CNTN4: variants seen among roughly 807,000 people sequenced by gnomAD.
The protein encoded by CNTN4 is contactin-4.
CNTN4 carries 77 observed loss-of-function variants against 122.5 expected under a neutral mutation model. The observed-to-expected ratio is 0.63, with a 90% CI of 0.52 to 0.76. The LOEUF is 0.76. Ranked by LOEUF, CNTN4 falls within the 30% of genes least tolerant of loss-of-function variation. The pLI, the probability that CNTN4 is intolerant of heterozygous loss-of-function variation, is 0.00. For missense variants in CNTN4, 1,256 were observed against 1,259.1 expected, an observed-to-expected ratio of 1.00 and a Z score of 0.04; for synonymous variants, 512 against 447.0, an observed-to-expected ratio of 1.15 and a Z score of -1.83.
At chr3:2,962,015 A>C (rs1043151549) in intron 13 of CNTN4, among the ~76,000 whole-genome samples, 1 of 152,242 alleles carries the variant, frequency 6.6e-6, no homozygotes, top group African/African-American at 2.4e-5. Flanking sequence ...AAACATGTCA[A>C]AGACAATTAC....
At chr3:2,340,736 G>GAGAGAGAA (rs1425877396) in intron 3 of CNTN4, among the ~76,000 whole-genome samples, 1 of 140,272 alleles carries the variant, frequency 7.1e-6, no homozygotes, top group Non-Finnish European at 1.6e-5. Context: ...GAGAGAGAGA[G>GAGAGAGAA]AGAGTCAGAA....
chr3:2,772,684 T>G (rs561988950), intron 6 of CNTN4, among the ~76,000 whole-genome samples: 1 of 152,314 alleles, frequency 6.6e-6, no homozygotes, highest in East Asian at 1.9e-4. Context: ...TAAAGTCACC[T>G]TATCTGTAGG....
chr3:2,332,275 A>C (rs1451948852), intron 2 of CNTN4, among the ~76,000 whole-genome samples: 3 of 152,164 alleles, frequency 2.0e-5, no homozygotes, highest in African/African-American at 7.2e-5. Context: ...AAATCAAATC[A>C]CATCACTGGC....
At chr3:2,624,076 A>T (rs1329017439) in intron 4 of CNTN4, among the ~76,000 whole-genome samples, 2 of 152,202 alleles carry the variant, frequency 1.3e-5, no homozygotes, top group Non-Finnish European at 2.9e-5. Flanking sequence ...GCCATTCACT[A>T]CTTTGAAATT....
intron 3 of CNTN4, among the ~76,000 whole-genome samples, chr3:2,427,321 C>T (rs1275415348): frequency 1.3e-5 from 2 of 152,150 alleles, no homozygotes; most frequent in African/African-American, 2.4e-5. Flanking sequence ...GCCTTCATTT[C>T]GTTATGTACC....
rs564603418 is a variant in CNTN4 at position 2,884,649 on chromosome 3, A to T, written c.755+1402A>T. Among the ~76,000 whole-genome samples, 6 of 152,318 alleles carry T rather than the reference A, an allele frequency of 3.9e-5. No individual in the cohort carries two copies. The East Asian group carries it at 9.6e-4, about 24-fold the overall frequency. On this transcript the variant is annotated intron_variant, in intron 9 of 24. Coordinates refer to ENST00000418658, the MANE Select transcript of CNTN4 (RefSeq NM_175607.3). Reference sequence around the variant, plus strand: ...TTAAAGTATTTGTGTATAAGCATTTATATATATGAAATTAAAGATGAGAGC... The same window carrying T: ...TTAAAGTATTTGTGTATAAGCATTTTTATATATGAAATTAAAGATGAGAGC...
intron 4 of CNTN4, among the ~76,000 whole-genome samples, chr3:2,651,870 A>T (rs2083377920): frequency 6.6e-6 from 1 of 151,710 alleles, no homozygotes; most frequent in African/African-American, 2.4e-5. Flanking sequence ...CTCCTGGCTA[A>T]CTTTTGCATT....
chr3:2,260,693 GT>G (rs1559388531), intron 2 of CNTN4, among the ~76,000 whole-genome samples: 1 of 150,554 alleles, frequency 6.6e-6, no homozygotes, highest in Admixed American at 6.6e-5. Context: ...ACAGATTTAA[GT>G]TTTCTTTTCT....
At position 2,406,669 on chromosome 3, in the gene CNTN4, A is replaced by G. The variant is rs542656601; in HGVS notation, c.-89+67436A>G. Among the ~76,000 whole-genome samples the G allele has an allele frequency of 9.2e-5, 14 of 152,312 alleles. No homozygotes were observed. The South Asian group carries it at 2.7e-3, about 29-fold the overall frequency. On this transcript the variant is annotated intron_variant, in intron 3 of 24. Transcript: ENST00000418658. ...AAATAGCTTTGTAATATTGTACAACATACCTCTTTTGAGTCTCACATTGTC... is the reference window on the plus strand; with the variant it reads ...AAATAGCTTTGTAATATTGTACAACGTACCTCTTTTGAGTCTCACATTGTC...
chr3:2,540,164 AG>A (rs2077976804), intron 3 of CNTN4, among the ~76,000 whole-genome samples: 2 of 152,074 alleles, frequency 1.3e-5, no homozygotes. Context: ...ACCTATCCAT[AG>A]AAACAATCAT....
At chr3:2,299,528 A>G (rs1198788505) in intron 2 of CNTN4, among the ~76,000 whole-genome samples, 1 of 152,082 alleles carries the variant, frequency 6.6e-6, no homozygotes, top group African/African-American at 2.4e-5. Context: ...TCTCAAGCTC[A>G]TATTATTGAA....
chr3:2,805,020 C>CA (rs560789725), intron 6 of CNTN4, among the ~76,000 whole-genome samples: 9,049 of 151,852 alleles, frequency 0.06, 911 homozygotes, highest in African/African-American at 0.21. Flanking sequence ...ACTAAAAATA[C>CA]AAAAAAATTT....
intron 4 of CNTN4, among the ~76,000 whole-genome samples, chr3:2,620,577 C>G (rs552128512): frequency 3.9e-5 from 6 of 152,108 alleles, no homozygotes; most frequent in African/African-American, 9.6e-5. Context: ...AAATATTAGC[C>G]TCATACCTTC....
At chr3:2,977,505 T>C (rs1036969410) in intron 13 of CNTN4, among the ~76,000 whole-genome samples, 7 of 152,012 alleles carry the variant, frequency 4.6e-5, no homozygotes, top group African/African-American at 1.7e-4. Flanking sequence ...CCTCATTTGA[T>C]TGTTATTATA....
intron 2 of CNTN4, among the ~76,000 whole-genome samples, chr3:2,254,968 T>C (rs1363783767): frequency 6.6e-6 from 1 of 152,230 alleles, no homozygotes; most frequent in East Asian, 1.9e-4. Context: ...CCCATGCCTA[T>C]GTCCTAAATG....
At chr3:2,867,405 T>C (rs2093736127) in intron 8 of CNTN4, among the ~76,000 whole-genome samples, 1 of 152,174 alleles carries the variant, frequency 6.6e-6, no homozygotes, top group South Asian at 2.1e-4. Context: ...AAGGCTTGTT[T>C]GAGACAGAAA....
chr3:2,369,216 C>A (rs1045651154), intron 3 of CNTN4, among the ~76,000 whole-genome samples: 1 of 152,198 alleles, frequency 6.6e-6, no homozygotes, highest in Non-Finnish European at 1.5e-5. Context: ...AGCCACCACA[C>A]CTGGCCCCAA....
chr3:2,173,165 A>T (rs2036591641), intron 2 of CNTN4, among the ~76,000 whole-genome samples: 1 of 152,212 alleles, frequency 6.6e-6, no homozygotes. Flanking sequence ...ACTTTGCCAG[A>T]CTCATCAAAT....
chr3:2,183,245 A>G (rs1030317487), intron 2 of CNTN4, among the ~76,000 whole-genome samples: 4 of 152,098 alleles, frequency 2.6e-5, no homozygotes, highest in African/African-American at 9.7e-5. Flanking sequence ...TTTAAAATTA[A>G]TTTTAACAGC....
Sources: allele counts gnomAD v4.1 joint callset (sites outside exome capture counted in the v4.1 genomes callset), GRCh38; gene constraint gnomAD v4.1.1; transcripts MANE v1.5; gene names NCBI Gene and HGNC (gene_info 2026-07-23, HGNC 2026-07-21).